GATAD2A: variants seen among roughly 807,000 people sequenced by gnomAD.
GATAD2A encodes GATA zinc finger domain containing 2A.
GATAD2A carries 12 observed loss-of-function variants against 68.5 expected under a neutral mutation model. That is an observed-to-expected ratio of 0.18 (90% CI 0.11 to 0.28). The LOEUF is 0.28. GATAD2A is among the 10% of genes least tolerant of loss of function. The probability of loss-of-function intolerance (pLI) is 1.00; values close to 1 mark genes in which losing one functional copy is unlikely to be tolerated. For synonymous variants in GATAD2A, 410 were observed against 375.3 expected, an observed-to-expected ratio of 1.09 and a Z score of -1.07; for missense variants, 755 against 868.5, an observed-to-expected ratio of 0.87 and a Z score of 1.64.
At position 19,414,540 on chromosome 19, in the gene GATAD2A, T is replaced by TC. The variant is rs1372143469; in HGVS notation, c.-7+8521_-7+8522insC. Among the ~76,000 whole-genome samples, 14 of 143,194 alleles carry TC rather than the reference T, an allele frequency of 9.8e-5. 1 individual carries two copies. Among genetic ancestry groups the TC allele is most frequent in the Admixed American group, 7.6e-4 (11 of 14,394 alleles). The allele number at this position is 143,194 out of a possible 152,430, so 93.9% of individuals were successfully genotyped here. ...TCCTCAGGGCCTTGTCTTTTTTTTT[T>TC]TTTTTTTTTTTTTTTGAAACAGAGT... On this transcript the variant is annotated intron_variant, in intron 1 of 11. Coordinates refer to ENST00000683918, the MANE Select transcript of GATAD2A (RefSeq NM_001384528.1).
chr19:19,442,384 G>A (rs561338696), intron 1 of GATAD2A, among the ~76,000 whole-genome samples: 62 of 152,090 alleles, frequency 4.1e-4, no homozygotes, highest in African/African-American at 1.3e-3. Flanking sequence ...CCAGCACTTC[G>A]GGAGGCTGAG....
chr19:19,434,909 C>T (rs2054151618), intron 1 of GATAD2A, among the ~76,000 whole-genome samples: 1 of 152,188 alleles, frequency 6.6e-6, no homozygotes, highest in South Asian at 2.1e-4. Context: ...GAAGTCCGCT[C>T]ATTCCCAGGC....
At chr19:19,457,589 A>G (rs2057049211) in intron 1 of GATAD2A, among the ~76,000 whole-genome samples, 1 of 151,900 alleles carries the variant, frequency 6.6e-6, no homozygotes, top group Non-Finnish European at 1.5e-5. Flanking sequence ...AAAATACAAA[A>G]AATTAGCCGG....
At chr19:19,470,710 A>G (rs748060320) in intron 2 of GATAD2A, among the ~76,000 whole-genome samples, 17 of 152,176 alleles carry the variant, frequency 1.1e-4, no homozygotes, top group Non-Finnish European at 1.9e-4. Flanking sequence ...TGTTGATCAT[A>G]CATTGGACCA....
chr19:19,447,672 A>C (rs2055889965), intron 1 of GATAD2A, among the ~76,000 whole-genome samples: 1 of 152,222 alleles, frequency 6.6e-6, no homozygotes. Flanking sequence ...TCATCATAGA[A>C]GTAGGTTTCC....
chr19:19,500,412 T>C (rs994547145), intron 8 of GATAD2A, among the ~76,000 whole-genome samples: 1 of 151,792 alleles, frequency 6.6e-6, no homozygotes, highest in African/African-American at 2.4e-5. Context: ...TCTGACATTG[T>C]CTGTGATGAC....
At position 19,465,585 on chromosome 19, in the gene GATAD2A, T is replaced by C. The variant is rs1018789016; in HGVS notation, c.240T>C (p.Asp80=). The C allele has an allele frequency of 5.6e-6, 9 of 1,612,616 alleles. No individual in the cohort carries two copies. The highest frequency in any genetic ancestry group is 7.6e-6 in the Non-Finnish European group (9 of 1,179,370). The change falls in exon 2 of 12, where the codon GAT becomes GAC. Residue 80 remains aspartate (D), a synonymous_variant. Transcript: ENST00000683918. ...AMGRGEGLVG[D]GPVDMRTSHS... ...GCAGAGGCGAAGGGCTGGTGGGCGA[T>C]GGGCCCGTGGACATGCGCACCTCAC...
chr19:19,428,605 G>A (rs968751290), intron 1 of GATAD2A, among the ~76,000 whole-genome samples: 1 of 152,144 alleles, frequency 6.6e-6, no homozygotes, highest in African/African-American at 2.4e-5. Flanking sequence ...CATTTGGGAT[G>A]GTTTGGAGGG....
chr19:19,504,640 C>CTTTTTTTT (rs36052091), intron 11 of GATAD2A, among the ~76,000 whole-genome samples: 4 of 137,162 alleles, frequency 2.9e-5, no homozygotes, highest in Non-Finnish European at 1.6e-5. Context: ...TTTTTTTTTC[C>CTTTTTTTT]TTTTTTTTTT....
chr19:19,469,521 A>C (rs1436883378), intron 2 of GATAD2A, among the ~76,000 whole-genome samples: 1 of 152,240 alleles, frequency 6.6e-6, no homozygotes, highest in African/African-American at 2.4e-5. Context: ...TTCACTGAGA[A>C]ATAAAGGAAC....
chr19:19,412,689 G>A (rs2051111483), intron 1 of GATAD2A, among the ~76,000 whole-genome samples: 1 of 152,072 alleles, frequency 6.6e-6, no homozygotes, highest in African/African-American at 2.4e-5. Context: ...AAAACCCTGT[G>A]GCCCTAACTC....
At chr19:19,488,485 G>A (rs1022167742) in intron 2 of GATAD2A, among the ~76,000 whole-genome samples, 3 of 152,230 alleles carry the variant, frequency 2.0e-5, no homozygotes, top group Admixed American at 6.5e-5. Context: ...GCTCCTTCCC[G>A]GCACTGGCTG....
At chr19:19,465,269 G>A in intron 1 of GATAD2A, 71 bp from the exon 2 acceptor site, 1 of 1,191,132 alleles carries the variant, frequency 8.4e-7, no homozygotes, top group Non-Finnish European at 1.2e-6. Flanking sequence ...AAGCAACACT[G>A]AAAAGTCTCC....
intron 1 of GATAD2A, among the ~76,000 whole-genome samples, chr19:19,422,878 A>G (rs1247963856): frequency 6.6e-6 from 1 of 151,670 alleles, no homozygotes; most frequent in African/African-American, 2.4e-5. Context: ...CGCCCGGCTA[A>G]TTTTTTGTAT....
At chr19:19,431,357 C>T (rs2053723975) in intron 1 of GATAD2A, among the ~76,000 whole-genome samples, 1 of 150,878 alleles carries the variant, frequency 6.6e-6, no homozygotes, top group Admixed American at 6.6e-5. Context: ...AGATCGGCCC[C>T]TTCTCCTTCA....
At chr19:19,434,107 C>T (rs1391726788) in intron 1 of GATAD2A, among the ~76,000 whole-genome samples, 1 of 152,142 alleles carries the variant, frequency 6.6e-6, no homozygotes, top group Non-Finnish European at 1.5e-5. Context: ...ATTGTAGTTT[C>T]TTTATCCTTA....
intron 1 of GATAD2A, among the ~76,000 whole-genome samples, chr19:19,438,863 T>C (rs192796290): frequency 2.0e-5 from 3 of 152,284 alleles, no homozygotes; most frequent in Non-Finnish European, 2.9e-5. Flanking sequence ...TCAGGACTTA[T>C]AAATGTGTCA....
At chr19:19,406,161 G>C (rs2147033187) in intron 1 of GATAD2A, 142 bp downstream of exon 1, 1 of 152,192 alleles carries the variant, frequency 6.6e-6, no homozygotes, top group African/African-American at 2.4e-5. Context: ...GAGCGAGCGA[G>C]TTCTACTCCT....
intron 2 of GATAD2A, among the ~76,000 whole-genome samples, chr19:19,485,760 CG>C (rs1183525896): frequency 6.6e-6 from 1 of 152,166 alleles, no homozygotes; most frequent in East Asian, 1.9e-4. Flanking sequence ...AGAGATGGGC[CG>C]GGGGCCTTGC....
Sources: allele counts gnomAD v4.1 joint callset (sites outside exome capture counted in the v4.1 genomes callset), GRCh38; gene constraint gnomAD v4.1.1; transcripts MANE v1.5; gene names NCBI Gene and HGNC (gene_info 2026-07-23, HGNC 2026-07-21).